The following ANGPT2 variants were observed in gnomAD, a reference collection of about 807,000 sequenced individuals.
ANGPT2 encodes angiopoietin-2.
ANGPT2 carries 28 observed loss-of-function variants against 62.9 expected under a neutral mutation model. The observed-to-expected ratio is 0.44, with a 90% confidence interval of 0.33 to 0.61. ANGPT2 has a LOEUF of 0.61. Among genes scored for constraint, ANGPT2 ranks in the 20% least tolerant of loss-of-function variants. The pLI is 0.03. For synonymous variants in ANGPT2, 284 were observed against 207.8 expected, an observed-to-expected ratio of 1.37 and a Z score of -3.15; for missense variants, 727 against 594.9, an observed-to-expected ratio of 1.22 and a Z score of -2.31.
At chr8:6,562,410 G>T (rs972931637) in intron 1 of ANGPT2, among the ~76,000 whole-genome samples, 2 of 152,206 alleles carry the variant, frequency 1.3e-5, no homozygotes, top group African/African-American at 4.8e-5. Context: ...GAGATTTTCT[G>T]TATTGACTCT....
chr8:6,505,239 A>ATAT (rs1554514577), intron 8 of ANGPT2, among the ~76,000 whole-genome samples: 2 of 60,880 alleles, frequency 3.3e-5, no homozygotes, highest in African/African-American at 9.4e-5. Flanking sequence ...GTATATATAG[A>ATAT]ATATATATTC....
intron 2 of ANGPT2, among the ~76,000 whole-genome samples, chr8:6,528,868 G>C (rs969965170): frequency 6.6e-6 from 1 of 152,218 alleles, no homozygotes; most frequent in Admixed American, 6.5e-5. Context: ...CTTAGAGCTG[G>C]TTTAGTTCTT....
chr8:6,550,924 A>C (rs1823537539), intron 1 of ANGPT2, among the ~76,000 whole-genome samples: 1 of 152,214 alleles, frequency 6.6e-6, no homozygotes, highest in African/African-American at 2.4e-5. Flanking sequence ...AAGGAGCCCA[A>C]GGGGAAGGAG....
At chr8:6,524,170 T>A (rs1324133544) in intron 3 of ANGPT2, among the ~76,000 whole-genome samples, 1 of 152,238 alleles carries the variant, frequency 6.6e-6, no homozygotes, top group Non-Finnish European at 1.5e-5. Flanking sequence ...TGCAGAGTTT[T>A]GTTTTAAAGG....
intron 1 of ANGPT2, among the ~76,000 whole-genome samples, chr8:6,544,437 ACCT>A (rs1233793366): frequency 2.7e-4 from 41 of 152,264 alleles, no homozygotes; most frequent in African/African-American, 9.9e-4. Flanking sequence ...GTCTTCCAAG[ACCT>A]CCTAACCCAA....
chr8:6,554,664 C>A (rs1330011561), intron 1 of ANGPT2, among the ~76,000 whole-genome samples: 1 of 151,960 alleles, frequency 6.6e-6, no homozygotes, highest in African/African-American at 2.4e-5. Context: ...GTAAAGATTC[C>A]AAAAATAATT....
Position 6,542,790 on chromosome 8 carries a change from G to A in ANGPT2, c.289-10303C>T, listed in dbSNP as rs188430444. On this transcript the variant is annotated intron_variant, in intron 1 of 8. Coordinates refer to ENST00000629816, the MANE Select transcript of ANGPT2 (RefSeq NM_001118887.2). ...AGGAGGTAGCATGATCATCTCTGAA[G>A]TGGGCAGTTTTTTTCTTTTTCCAAT... 2.0e-5 allele frequency among the ~76,000 whole-genome samples: 3 copies of A among 152,296 alleles called. No individual in the cohort carries two copies. The East Asian group carries it at 5.8e-4, about 29-fold the overall frequency.
At chr8:6,507,124 C>T (rs1313011524) in intron 8 of ANGPT2, among the ~76,000 whole-genome samples, 1 of 152,166 alleles carries the variant, frequency 6.6e-6, no homozygotes, top group Admixed American at 6.5e-5. Context: ...TCTCAAACTC[C>T]TGACCTCAGG....
At chr8:6,552,546 C>G (rs1466690945) in intron 1 of ANGPT2, among the ~76,000 whole-genome samples, 2 of 152,132 alleles carry the variant, frequency 1.3e-5, no homozygotes, top group African/African-American at 4.8e-5. Flanking sequence ...TAACCTTTAA[C>G]TAATGTGAGA....
chr8:6,543,149 C>T (rs748114412), intron 1 of ANGPT2, among the ~76,000 whole-genome samples: 6 of 152,082 alleles, frequency 3.9e-5, no homozygotes, highest in Non-Finnish European at 7.4e-5. Flanking sequence ...CCTCTTTCTG[C>T]TAGCACCCAA....
chr8:6,563,003 G>A lies in ANGPT2; in HGVS notation c.-69C>T. 1 of 1,498,476 alleles carries A rather than the reference G, an allele frequency of 6.7e-7. No individual in the cohort carries two copies. Among genetic ancestry groups the A allele is most frequent in the East Asian group, 2.3e-5 (1 of 43,190 alleles). The allele number at this position is 1,498,476 out of a possible 1,614,324, so 92.8% of individuals were successfully genotyped here. ...AAACACACGTCCAGAGTCCCGAGCT[G>A]CTGCCGTCTAAAACGCAGGGCTGCT... On this transcript the variant is annotated 5_prime_UTR_variant, in exon 1 of 9. Coordinates refer to ENST00000629816, the MANE Select transcript of ANGPT2 (RefSeq NM_001118887.2).
intron 1 of ANGPT2, among the ~76,000 whole-genome samples, chr8:6,533,262 G>T (rs1158431014): frequency 6.6e-6 from 1 of 152,236 alleles, no homozygotes; most frequent in African/African-American, 2.4e-5. Flanking sequence ...AAACACAAGA[G>T]AAGGAAGAAG....
In ANGPT2 at chr8:6,502,021, A is replaced by G. The variant is rs529318587; in HGVS notation, c.*1080T>C. The G allele has an allele frequency of 8.1e-4, 123 of 151,888 alleles. No individual in the cohort carries two copies. The highest frequency in any genetic ancestry group is 1.7e-3 in the Admixed American group (26 of 15,240). 9.4% of individuals were successfully genotyped at this position (151,888 alleles called of 1,614,324 possible). A position where few individuals can be genotyped will look rare whatever the true frequency, so the allele number is the denominator to read the frequency against. On this transcript the variant is annotated 3_prime_UTR_variant, in exon 9 of 9. Transcript: ENST00000629816. ...AGTAAATTTAAGGGTGAATCTTGAG[A>G]CATATAGCTTTGTAAATTTCTTAAA...
intron 1 of ANGPT2, among the ~76,000 whole-genome samples, chr8:6,534,078 G>A (rs1477950876): frequency 2.0e-5 from 3 of 152,068 alleles, no homozygotes; most frequent in Admixed American, 6.5e-5. Context: ...CACTAAGGCT[G>A]CCTCCCTGGC....
intron 7 of ANGPT2, among the ~76,000 whole-genome samples, chr8:6,511,478 C>G (rs1815081035): frequency 6.6e-6 from 1 of 152,052 alleles, no homozygotes; most frequent in Admixed American, 6.6e-5. Context: ...GAATGAAATT[C>G]TATTGATGCA....
At chr8:6,516,422 G>T (rs1457611980) in intron 5 of ANGPT2, among the ~76,000 whole-genome samples, 1 of 152,146 alleles carries the variant, frequency 6.6e-6, no homozygotes, top group Non-Finnish European at 1.5e-5. Context: ...TTTGAATAAG[G>T]TCTCTTTGAT....
chr8:6,557,575 G>A (rs1206252822), intron 1 of ANGPT2, among the ~76,000 whole-genome samples: 1 of 152,190 alleles, frequency 6.6e-6, no homozygotes, highest in Non-Finnish European at 1.5e-5. Flanking sequence ...GTCTAGATGG[G>A]CCCTGTTTAA....
intron 4 of ANGPT2, among the ~76,000 whole-genome samples, chr8:6,520,422 C>T (rs540215100): frequency 1.3e-5 from 2 of 152,230 alleles, no homozygotes; most frequent in Admixed American, 1.3e-4. Flanking sequence ...CCCTTCAGGC[C>T]ATTATCCCAC....
At chr8:6,533,898 C>G (rs952022993) in intron 1 of ANGPT2, among the ~76,000 whole-genome samples, 9 of 152,134 alleles carry the variant, frequency 5.9e-5, no homozygotes, top group African/African-American at 2.2e-4. Flanking sequence ...TAGAGTTTCT[C>G]TCTTAGAGCT....
Sources: gnomAD v4.1 joint callset for allele counts (sites outside exome capture counted in the v4.1 genomes callset) on GRCh38, gnomAD v4.1.1 for gene constraint, MANE v1.5 for transcripts, NCBI Gene and HGNC (gene_info 2026-07-23, HGNC 2026-07-21) for gene names.